GALNT13: variants seen among roughly 807,000 people sequenced by gnomAD.
The protein encoded by GALNT13 is UDP-GalNAc:polypeptide N-acetylgalactosaminyltransferase 13.
In GALNT13, 28 loss-of-function variants were observed where a neutral mutation model predicts 64.2. The ratio of observed to expected loss-of-function variants is 0.44; its 90% CI spans 0.32 to 0.60. The LOEUF (loss-of-function observed/expected upper bound fraction) is 0.60. Ranked by LOEUF, GALNT13 falls within the 20% of genes least tolerant of loss-of-function variation. The pLI, the probability that GALNT13 is intolerant of heterozygous loss-of-function variation, is 0.05. For missense variants in GALNT13, 577 were observed against 669.8 expected, an observed-to-expected ratio of 0.86 and a Z score of 1.53; for synonymous variants, 214 against 224.6, an observed-to-expected ratio of 0.95 and a Z score of 0.42.
At chr2:153,350,305 G>T in the GALNT13 span, among the ~76,000 whole-genome samples, 2 of 151,554 alleles carry the variant, frequency 1.3e-5, no homozygotes, top group African/African-American at 4.8e-5. Flanking sequence ...TTTCAGAAAC[G>T]TGTTAGTAAG....
At chr2:153,748,689 C>G in the GALNT13 span, among the ~76,000 whole-genome samples, 9 of 152,030 alleles carry the variant, frequency 5.9e-5, no homozygotes, top group East Asian at 1.6e-3. Flanking sequence ...TGTCAGATGA[C>G]TAGTTTGCAA....
chr2:153,737,168 G>A, the GALNT13 span, among the ~76,000 whole-genome samples: 1 of 152,186 alleles, frequency 6.6e-6, no homozygotes, highest in South Asian at 2.1e-4. Flanking sequence ...AGGAAGAAAG[G>A]AGCACAGACA....
At chr2:153,539,711 G>A in the GALNT13 span, among the ~76,000 whole-genome samples, 6 of 150,962 alleles carry the variant, frequency 4.0e-5, no homozygotes, top group Admixed American at 3.3e-4. Context: ...GTAGATATGC[G>A]GCGTTATTTC....
chr2:154,030,631 C>T (rs1322888540), intron 3 of GALNT13, among the ~76,000 whole-genome samples: 2 of 152,046 alleles, frequency 1.3e-5, no homozygotes, highest in African/African-American at 4.8e-5. Context: ...TGCCACATGT[C>T]AGGGGAGGGA....
At chr2:154,068,325 A>C (rs76124022) in intron 3 of GALNT13, among the ~76,000 whole-genome samples, 1 of 152,068 alleles carries the variant, frequency 6.6e-6, no homozygotes, top group East Asian at 1.9e-4. Flanking sequence ...AATACTAAAA[A>C]TGGATCTGCC....
At chr2:153,147,987 A>G in the GALNT13 span, among the ~76,000 whole-genome samples, 2 of 151,864 alleles carry the variant, frequency 1.3e-5, no homozygotes, top group African/African-American at 4.8e-5. Context: ...ACGGCAAAAC[A>G]AGAGTAAACG....
At chr2:154,275,333 A>T (rs190447200) in intron 8 of GALNT13, among the ~76,000 whole-genome samples, 325 of 152,000 alleles carry the variant, frequency 2.1e-3, no homozygotes, top group Admixed American at 3.8e-3. Context: ...CTGGAGGCCT[A>T]GGAAGGAAAA....
At chr2:153,443,926 A>G in the GALNT13 span, among the ~76,000 whole-genome samples, 8 of 152,160 alleles carry the variant, frequency 5.3e-5, no homozygotes, top group African/African-American at 1.9e-4. Flanking sequence ...TTTCAAAAAA[A>G]AAAGGTCAGT....
intron 3 of GALNT13, among the ~76,000 whole-genome samples, chr2:154,003,096 T>C (rs575052596): frequency 6.6e-6 from 1 of 152,314 alleles, no homozygotes; most frequent in African/African-American, 2.4e-5. Context: ...AGCACCAAGA[T>C]ACCAGGCAGC....
Position 154,238,704 on chromosome 2 carries a change from CTT to C in GALNT13, c.312-3324_312-3323del, listed in dbSNP as rs574597168. Among the ~76,000 whole-genome samples the C allele has an allele frequency of 8.4e-3, 1,282 of 151,940 alleles. 21 individuals are homozygous for C. Among genetic ancestry groups the C allele is most frequent in the African/African-American group, 0.029 (1,213 of 41,474 alleles). ...TTCTTTGCTGAATGACTTTATTCAG[CTT>C]TATTGAGGTATATTTGACAACTAAA... On this transcript the variant is annotated intron_variant, in intron 4 of 12. Transcript: ENST00000392825.
intron 3 of GALNT13, among the ~76,000 whole-genome samples, chr2:154,058,697 C>G (rs1416648743): frequency 6.6e-6 from 1 of 152,148 alleles, no homozygotes; most frequent in African/African-American, 2.4e-5. Flanking sequence ...TGAAGAGTTG[C>G]AAGGGGCCAG....
chr2:154,335,211 T>A (rs1695372352), intron 9 of GALNT13, among the ~76,000 whole-genome samples: 1 of 149,038 alleles, frequency 6.7e-6, no homozygotes, highest in South Asian at 2.1e-4. Context: ...TGGGGTATAA[T>A]ATTTTCTTCA....
intron 4 of GALNT13, among the ~76,000 whole-genome samples, chr2:154,172,973 T>G (rs1163498258): frequency 6.6e-6 from 1 of 151,952 alleles, no homozygotes; most frequent in Non-Finnish European, 1.5e-5. Context: ...AAAAAAATCC[T>G]AAAATTTATA....
At chr2:153,181,431 A>C in the GALNT13 span, among the ~76,000 whole-genome samples, 1 of 151,230 alleles carries the variant, frequency 6.6e-6, no homozygotes, top group African/African-American at 2.4e-5. Flanking sequence ...CTAACATAAG[A>C]TCTATCCTGG....
the GALNT13 span, among the ~76,000 whole-genome samples, chr2:153,091,064 C>T: frequency 1.2e-4 from 18 of 152,178 alleles, no homozygotes; most frequent in East Asian, 1.4e-3. Flanking sequence ...ACTCCATTGG[C>T]GGTGTCTCCT....
At position 154,364,448 on chromosome 2, in the gene GALNT13, C is replaced by G. The variant is rs1307231761; in HGVS notation, c.1157-31543C>G. ...ATATCTCGACTCCAGTAAATTCCATCAAGACTGAGAAAAGTGTGATCACGG... is the reference window on the plus strand; with the variant it reads ...ATATCTCGACTCCAGTAAATTCCATGAAGACTGAGAAAAGTGTGATCACGG... On this transcript the variant is annotated intron_variant, in intron 9 of 12. Coordinates refer to ENST00000392825, the MANE Select transcript of GALNT13 (RefSeq NM_052917.4). Among the ~76,000 whole-genome samples, 3 of 121,110 alleles carry G rather than the reference C, an allele frequency of 2.5e-5. No individual in the cohort carries two copies. The East Asian group carries it at 8.2e-4, about 33-fold the overall frequency. The allele number at this position is 121,110 out of a possible 152,430, so 79.5% of individuals were successfully genotyped here.
Position 154,351,682 on chromosome 2 carries a change from CAAAAAAAAAAAAAAAAAAAA to C in GALNT13, c.1157-44290_1157-44271del, listed in dbSNP as rs567606376. ...TGGGCGACAAAGCGAGACTCCGTCT[CAAAAAAAAAAAAAAAAAAAA>C]AAAAAAAAAAAAAAAAAAGCCAGAG... On this transcript the variant is annotated intron_variant, in intron 9 of 12. Coordinates refer to ENST00000392825, the MANE Select transcript of GALNT13 (RefSeq NM_052917.4). Among the ~76,000 whole-genome samples the C allele has an allele frequency of 5.6e-4, 25 of 44,684 alleles. 1 individual carries two copies. The East Asian group carries it at 7.0e-3, about 13-fold the overall frequency. The allele number at this position is 44,684 out of a possible 152,430, so 29.3% of individuals were successfully genotyped here.
the GALNT13 span, among the ~76,000 whole-genome samples, chr2:153,490,858 G>T: frequency 1.3e-5 from 2 of 151,574 alleles, no homozygotes; most frequent in African/African-American, 4.9e-5. Context: ...TACTTGAGAG[G>T]CTGAGGCAGG....
the GALNT13 span, among the ~76,000 whole-genome samples, chr2:153,654,974 A>G: frequency 6.6e-6 from 1 of 152,134 alleles, no homozygotes; most frequent in African/African-American, 2.4e-5. Flanking sequence ...ATCCCCTAGC[A>G]TAGCACCTAA....
Sources: allele counts gnomAD v4.1 joint callset (sites outside exome capture counted in the v4.1 genomes callset), GRCh38; gene constraint gnomAD v4.1.1; transcripts MANE v1.5; gene names NCBI Gene and HGNC (gene_info 2026-07-23, HGNC 2026-07-21).